Variants in CSMD1 observed in about 807,000 individuals in gnomAD.
CSMD1 encodes the protein CUB and Sushi multiple domains 1, also known as CUB and sushi domain-containing protein 1.
A neutral mutation model predicts 417.5 loss-of-function variants in CSMD1; 213 were observed. The ratio of observed to expected loss-of-function variants is 0.51; its 90% CI spans 0.46 to 0.57. CSMD1 has a LOEUF of 0.57. Among genes scored for constraint, CSMD1 ranks in the 20% least tolerant of loss-of-function variants. The pLI is 0.00. For synonymous variants in CSMD1, 2,862 were observed against 1,736.8 expected (o/e 1.65, Z -16.11); for missense variants, 6,923 against 4,529.7 (o/e 1.53, Z -15.17).
chr8:3,355,821 C>A (rs186105154), intron 21 of CSMD1, among the ~76,000 whole-genome samples: 1 of 152,110 alleles, frequency 6.6e-6, no homozygotes, highest in African/African-American at 2.4e-5. Context: ...GCAACTTTTT[C>A]TCTAATTTGC....
intron 1 of CSMD1, among the ~76,000 whole-genome samples, chr8:4,802,806 G>A (rs1255107323): frequency 6.6e-6 from 1 of 152,126 alleles, no homozygotes; most frequent in Non-Finnish European, 1.5e-5. Context: ...GACGTCATAG[G>A]GAAGGACAGA....
chr8:3,294,186 A>G (rs1246951293), intron 25 of CSMD1, among the ~76,000 whole-genome samples: 1 of 152,070 alleles, frequency 6.6e-6, no homozygotes, highest in East Asian at 1.9e-4. Context: ...TTCCTCTGGA[A>G]GTTTTGTCTC....
chr8:4,192,851 T>G (rs542125545), intron 3 of CSMD1, among the ~76,000 whole-genome samples: 2 of 152,332 alleles, frequency 1.3e-5, no homozygotes, highest in African/African-American at 4.8e-5. Context: ...AGATCACTCA[T>G]GTTCCTGTAT....
At chr8:3,523,438 G>A (rs543278038) in intron 10 of CSMD1, among the ~76,000 whole-genome samples, 1 of 152,296 alleles carries the variant, frequency 6.6e-6, no homozygotes, top group African/African-American at 2.4e-5. Context: ...TGCAGAAACT[G>A]AGCCCTAGAG....
chr8:4,146,129 G>C (rs1804104341), intron 3 of CSMD1, among the ~76,000 whole-genome samples: 1 of 150,858 alleles, frequency 6.6e-6, no homozygotes, highest in Non-Finnish European at 1.5e-5. Context: ...GAGGAATTCA[G>C]AGCCTACATA....
At chr8:4,446,540 C>T (rs925987462) in intron 2 of CSMD1, among the ~76,000 whole-genome samples, 2 of 152,074 alleles carry the variant, frequency 1.3e-5, no homozygotes, top group East Asian at 1.9e-4. Flanking sequence ...GAATGAGACC[C>T]CGGTTCTGCT....
intron 3 of CSMD1, among the ~76,000 whole-genome samples, chr8:4,371,687 G>A (rs1469625821): frequency 6.6e-6 from 1 of 152,134 alleles, no homozygotes; most frequent in Non-Finnish European, 1.5e-5. Flanking sequence ...TTAGTAGAAT[G>A]TTAGCTATAT....
rs61494901 is a variant in CSMD1, at chr8:3,714,561, C to CAAAAAAAAAAAAAAAAAAAAAAA, written c.932-6071_932-6070insTTTTTTTTTTTTTTTTTTTTTTT. ...ACATGGCGAAACCCCATCTCTATCC[C>CAAAAAAAAAAAAAAAAAAAAAAA]AAAAAAAAAAAAAAAAAAAATTAGC... On this transcript the variant is annotated intron_variant, in intron 6 of 69. Coordinates refer to ENST00000635120, the MANE Select transcript of CSMD1 (RefSeq NM_033225.6). Among the ~76,000 whole-genome samples the CAAAAAAAAAAAAAAAAAAAAAAA allele has an allele frequency of 5.1e-4, 36 of 70,570 alleles. 11 individuals are homozygous for CAAAAAAAAAAAAAAAAAAAAAAA. The highest frequency in any genetic ancestry group is 1.4e-3 in the African/African-American group (25 of 18,148). The allele number at this position is 70,570 out of a possible 152,430, so 46.3% of individuals were successfully genotyped here. A position where few individuals can be genotyped will look rare whatever the true frequency, so the allele number is the denominator to read the frequency against.
At chr8:4,674,397 G>A (rs987237404) in intron 1 of CSMD1, among the ~76,000 whole-genome samples, 1 of 152,092 alleles carries the variant, frequency 6.6e-6, no homozygotes, top group Non-Finnish European at 1.5e-5. Context: ...TTCTGAAGAA[G>A]GTAAAGGCAA....
chr8:3,329,670 T>C (rs951319982), intron 23 of CSMD1, among the ~76,000 whole-genome samples: 2 of 152,124 alleles, frequency 1.3e-5, no homozygotes, highest in Non-Finnish European at 2.9e-5. Flanking sequence ...TAAAGCCCCA[T>C]TACCAGAAAG....
intron 1 of CSMD1, among the ~76,000 whole-genome samples, chr8:4,659,550 A>T (rs2617028): frequency 0.61 from 92,303 of 151,920 alleles, 28,449 homozygotes; most frequent in East Asian, 0.74. Flanking sequence ...TGTCACAGAC[A>T]GTACAATTTC....
Position 3,521,835 on chromosome 8 carries a change from G to A in CSMD1, c.1345-28109C>T, listed in dbSNP as rs182682389. Reference sequence around the variant, plus strand: ...ACACACCTTCTTAGCTTTAAGAAATGTATATTATCATACTATCTATTCTAA... The same window carrying A: ...ACACACCTTCTTAGCTTTAAGAAATATATATTATCATACTATCTATTCTAA... On this transcript the variant is annotated intron_variant, in intron 10 of 69. Coordinates refer to ENST00000635120, the MANE Select transcript of CSMD1 (RefSeq NM_033225.6). Among the ~76,000 whole-genome samples the A allele has an allele frequency of 6.6e-5, 10 of 152,222 alleles. No individual in the cohort carries two copies. In the East Asian group the frequency reaches 1.9e-3, roughly 29 times the overall value.
chr8:4,969,256 A>T (rs1333733445), intron 1 of CSMD1, among the ~76,000 whole-genome samples: 2 of 152,070 alleles, frequency 1.3e-5, no homozygotes, highest in African/African-American at 4.8e-5. Flanking sequence ...TTAATGTTCT[A>T]TAAGAATTAC....
At chr8:3,403,051 T>A (rs927757939) in intron 15 of CSMD1, among the ~76,000 whole-genome samples, 1 of 152,188 alleles carries the variant, frequency 6.6e-6, no homozygotes, top group Non-Finnish European at 1.5e-5. Context: ...GGACTTTTTA[T>A]GGATAGACAT....
In CSMD1 at chr8:4,398,110, T is replaced by C. The variant is rs1052952051; in HGVS notation, c.415+21843A>G. On this transcript the variant is annotated intron_variant, in intron 3 of 69. Coordinates refer to ENST00000635120, the MANE Select transcript of CSMD1 (RefSeq NM_033225.6). ...AGGAAGAGATATGCCATCTTTTATG[T>C]TGCTAATGCCACATCTGGCAAAGTG... Among the ~76,000 whole-genome samples the C allele has an allele frequency of 5.9e-5, 9 of 152,174 alleles. 1 individual carries two copies. Among genetic ancestry groups the C allele is most frequent in the East Asian group, 1.9e-4 (1 of 5,178 alleles).
intron 1 of CSMD1, among the ~76,000 whole-genome samples, chr8:4,711,679 A>C (rs1808308828): frequency 1.3e-5 from 2 of 152,298 alleles, no homozygotes; most frequent in East Asian, 3.9e-4. Context: ...TTTAAAAAAA[A>C]AATCCATTAA....
chr8:3,689,641 G>T (rs1407682557), intron 7 of CSMD1, among the ~76,000 whole-genome samples: 1 of 152,148 alleles, frequency 6.6e-6, no homozygotes. Context: ...TATGTGGCAG[G>T]CCTGGTTCTG....
rs146779088 is a variant in CSMD1, at chr8:4,316,242, G to T, written c.415+103711C>A. ...ATGATTTTCTAATGGTCTTCCATTTGTAGTGATTTTTCATCCTCGAATCTG... is the reference window on the plus strand; with the variant it reads ...ATGATTTTCTAATGGTCTTCCATTTTTAGTGATTTTTCATCCTCGAATCTG... On this transcript the variant is annotated intron_variant, in intron 3 of 69. Transcript: ENST00000635120. Among the ~76,000 whole-genome samples, 4 of 152,120 alleles carry T rather than the reference G, an allele frequency of 2.6e-5. No homozygotes were observed. In the South Asian group the frequency reaches 8.3e-4, roughly 32 times the overall value.
intron 23 of CSMD1, among the ~76,000 whole-genome samples, chr8:3,342,566 G>C (rs577410960): frequency 9.9e-5 from 15 of 152,274 alleles, no homozygotes; most frequent in African/African-American, 3.1e-4. Context: ...GAAAGTGGCA[G>C]TTATCACTTT....
Sources: gnomAD v4.1 joint callset for allele counts (sites outside exome capture counted in the v4.1 genomes callset) on GRCh38, gnomAD v4.1.1 for gene constraint, MANE v1.5 for transcripts, NCBI Gene and HGNC (gene_info 2026-07-23, HGNC 2026-07-21) for gene names.